PCDHGA3: variants seen among roughly 807,000 people sequenced by gnomAD.
PCDHGA3 encodes protocadherin gamma-A3.
In PCDHGA3, 40 loss-of-function variants were observed where a neutral mutation model predicts 58.5. That is an observed-to-expected ratio of 0.68 (90% confidence interval 0.53 to 0.89). The LOEUF (loss-of-function observed/expected upper bound fraction) is 0.89. PCDHGA3 is among the 40% of genes least tolerant of loss of function. The pLI is 0.00. For missense variants in PCDHGA3, 1,223 were observed against 1,195.9 expected, an observed-to-expected ratio of 1.02 and a Z score of -0.33; for synonymous variants, 530 against 525.7, an observed-to-expected ratio of 1.01 and a Z score of -0.11.
At chr5:141,352,105 G>C (rs764701256) in intron 1 of PCDHGA3, 5 of 1,606,928 alleles carry the variant, frequency 3.1e-6, no homozygotes, top group Non-Finnish European at 4.2e-6. Flanking sequence ...TCTTCAGCCT[G>C]GGGTTGCGCA....
chr5:141,468,274 G>A (rs1461428449), intron 1 of PCDHGA3, among the ~76,000 whole-genome samples: 1 of 144,906 alleles, frequency 6.9e-6, no homozygotes, highest in Non-Finnish European at 1.5e-5. Flanking sequence ...GTGGTGAGCC[G>A]AGACCACGCC....
At chr5:141,384,090 A>T in intron 1 of PCDHGA3, 3 of 1,596,410 alleles carry the variant, frequency 1.9e-6, no homozygotes, top group Non-Finnish European at 2.6e-6. Flanking sequence ...TAGAAAAATC[A>T]ATAGATAATT....
intron 1 of PCDHGA3, chr5:141,421,282 A>G (rs762064258): frequency 7.4e-6 from 12 of 1,613,034 alleles, no homozygotes; most frequent in Non-Finnish European, 1.0e-5. Context: ...GCTGCTGTGC[A>G]TTTTCCTGGG....
chr5:141,345,534 CT>C lies in PCDHGA3; in HGVS notation c.1502del (p.Leu501ArgfsTer17), dbSNP rs749828166. ...CGAGGACACTCTCCAGGGGGCGCCC[CT>C]GTCCTCCTTCGTCTCTATCAACTCC... ...LTEDTLQGAPLSSFVSINSNT... is the reference protein window; with the variant it reads ...LTEDTLQGAPXSSFVSINSNT... On this transcript the variant is annotated frameshift_variant, in exon 1 of 4. Transcript: ENST00000253812. LOFTEE classifies it high-confidence loss of function. The C allele has an allele frequency of 8.1e-6, 13 of 1,614,062 alleles. No homozygotes were observed. In the South Asian group the frequency reaches 1.1e-4, roughly 14 times the overall value.
At chr5:141,426,004 C>T (rs573455573) in intron 1 of PCDHGA3, among the ~76,000 whole-genome samples, 10 of 152,264 alleles carry the variant, frequency 6.6e-5, no homozygotes, top group Non-Finnish European at 8.8e-5. Flanking sequence ...CAAAGGCTTC[C>T]GGCTGCAGTT....
chr5:141,495,434 G>A (rs1038100521), intron 2 of PCDHGA3, among the ~76,000 whole-genome samples: 2 of 152,196 alleles, frequency 1.3e-5, no homozygotes, highest in Non-Finnish European at 2.9e-5. Flanking sequence ...ACTGTCCTCT[G>A]CCCCTACTTG....
chr5:141,404,752 G>C, intron 1 of PCDHGA3: 1 of 1,614,010 alleles, frequency 6.2e-7, no homozygotes, highest in Non-Finnish European at 8.5e-7. Flanking sequence ...ACTCAGGCCA[G>C]AATGCTTGGC....
chr5:141,495,424 A>C (rs927637242), intron 2 of PCDHGA3, among the ~76,000 whole-genome samples: 1 of 152,088 alleles, frequency 6.6e-6, no homozygotes, highest in African/African-American at 2.4e-5. Context: ...CCCTCCTCCC[A>C]CTGTCCTCTG....
chr5:141,491,503 G>C lies in PCDHGA3; in HGVS notation c.2425-3304G>C. On this transcript the variant is annotated intron_variant, in intron 1 of 3. Coordinates refer to ENST00000253812, the MANE Select transcript of PCDHGA3 (RefSeq NM_018916.4). The surrounding 1 kb of genome is among the most constrained non-coding windows in gnomAD (Gnocchi z 6.9). ...CCCCAACCTGCAGGTGAGCTCGGACGGCACGCTCAAGTACATGGAGGTGAC... is the reference window on the plus strand; with the variant it reads ...CCCCAACCTGCAGGTGAGCTCGGACCGCACGCTCAAGTACATGGAGGTGAC... The C allele has an allele frequency of 6.2e-7, 1 of 1,614,030 alleles. No homozygotes were observed.
intron 1 of PCDHGA3, chr5:141,426,347 T>C (rs977411941): frequency 5.2e-6 from 1 of 193,980 alleles, no homozygotes; most frequent in African/African-American, 2.3e-5. Context: ...TTCCCTTTCC[T>C]GCTGCCTTTG....
At chr5:141,379,328 C>T (rs1775531814) in intron 1 of PCDHGA3, 1 of 152,184 alleles carries the variant, frequency 6.6e-6, no homozygotes, top group African/African-American at 2.4e-5. Flanking sequence ...TAATCATACA[C>T]ATCTTCAAAG....
chr5:141,410,402 A>G, intron 1 of PCDHGA3: 1 of 1,614,008 alleles, frequency 6.2e-7, no homozygotes, highest in South Asian at 1.1e-5. Flanking sequence ...TCTCTGTGTC[A>G]AGTCTGGACC....
chr5:141,354,426 C>A (rs1759540645), intron 1 of PCDHGA3, among the ~76,000 whole-genome samples: 2 of 152,236 alleles, frequency 1.3e-5, no homozygotes, highest in African/African-American at 4.8e-5. Context: ...GGAGCAAATT[C>A]TCTTCCCAAA....
chr5:141,368,406 T>A (rs1160875072), intron 1 of PCDHGA3, among the ~76,000 whole-genome samples: 2 of 151,988 alleles, frequency 1.3e-5, no homozygotes, highest in Non-Finnish European at 2.9e-5. Context: ...CACACATACA[T>A]ACACACATGG....
chr5:141,400,099 T>G (rs574278907), intron 1 of PCDHGA3: 1 of 1,614,072 alleles, frequency 6.2e-7, no homozygotes, highest in African/African-American at 1.3e-5. Flanking sequence ...CACGCTGCAC[T>G]TGGTCTTTGC....
rs762476625 is a variant in PCDHGA3 at position 141,420,218 on chromosome 5, C to A, written c.2424+73761C>A. On this transcript the variant is annotated intron_variant, in intron 1 of 3. Coordinates refer to ENST00000253812, the MANE Select transcript of PCDHGA3 (RefSeq NM_018916.4). The stretch of plus-strand genomic sequence containing the variant: ...AGATAACCTCAACAAAGATAGCATG[C>A]TACTGGCTAGCATTTTAACTCCCAG... 4 of 1,608,408 alleles carry A rather than the reference C, an allele frequency of 2.5e-6. No individual in the cohort carries two copies. In the South Asian group the frequency reaches 4.4e-5, roughly 18 times the overall value.
At chr5:141,503,023 A>AAT (rs2099817696) in intron 2 of PCDHGA3, among the ~76,000 whole-genome samples, 1 of 141,888 alleles carries the variant, frequency 7.0e-6, no homozygotes, top group African/African-American at 2.6e-5. Context: ...TTTTTTTTTT[A>AAT]ATATCTATTT....
chr5:141,462,183 C>A (rs1439465872), intron 1 of PCDHGA3, among the ~76,000 whole-genome samples: 1 of 152,158 alleles, frequency 6.6e-6, no homozygotes. Flanking sequence ...TGGTCTTGAA[C>A]TCCTGACCTC....
Position 141,491,589 on chromosome 5 carries a change from C to T in PCDHGA3, c.2425-3218C>T. 6.2e-7 allele frequency: 1 copy of T among 1,613,926 alleles called. No homozygotes were observed. The highest frequency in any genetic ancestry group is 8.5e-7 in the Non-Finnish European group (1 of 1,180,024). ...GGACGTGCTTTTCACCGGCCTCGGA[C>T]GGCAGTGACTTCACTTTTCTAAGAC... On this transcript the variant is annotated intron_variant, in intron 1 of 3. Transcript: ENST00000253812. This position sits in a 1 kb window ranked among gnomAD's most constrained non-coding sequence, Gnocchi z 6.9.
Sources: gnomAD v4.1 joint callset for allele counts (sites outside exome capture counted in the v4.1 genomes callset) on GRCh38, gnomAD v4.1.1 for gene constraint, Gnocchi (gnomAD v3.1) non-coding constraint, MANE v1.5 for transcripts, NCBI Gene and HGNC (gene_info 2026-07-23, HGNC 2026-07-21) for gene names.